Variants in TBC1D10A observed in about 807,000 individuals in gnomAD.
TBC1D10A encodes EBP50-PDX interactor of 64 kDa.
Under a neutral mutation model 52.9 loss-of-function variants are expected in TBC1D10A, and 24 were observed. The observed-to-expected ratio is 0.45, with a 90% CI of 0.33 to 0.64. The LOEUF (loss-of-function observed/expected upper bound fraction) is 0.64, where lower values mean the gene tolerates loss of function less well. Ranked by LOEUF, TBC1D10A falls within the 30% of genes least tolerant of loss-of-function variation. The pLI is 0.02. For synonymous variants in TBC1D10A, 278 were observed against 282.9 expected (o/e 0.98, Z 0.17); for missense variants, 602 against 687.9 (o/e 0.88, Z 1.40).
At chr22:30,313,395 T>C (rs1221995189) in intron 1 of TBC1D10A, among the ~76,000 whole-genome samples, 1 of 146,044 alleles carries the variant, frequency 6.8e-6, no homozygotes, top group African/African-American at 2.6e-5. Flanking sequence ...GTTGTTATTG[T>C]TGTTTTGAGA....
chr22:30,303,322 C>T (rs901481623), intron 2 of TBC1D10A, among the ~76,000 whole-genome samples: 3 of 152,104 alleles, frequency 2.0e-5, no homozygotes, highest in Non-Finnish European at 4.4e-5. Context: ...GACAGACAGA[C>T]AGACAGACAG....
At chr22:30,319,563 G>A (rs1930608981) in intron 1 of TBC1D10A, among the ~76,000 whole-genome samples, 1 of 152,220 alleles carries the variant, frequency 6.6e-6, no homozygotes, top group Admixed American at 6.5e-5. Flanking sequence ...AGCCTCTGAA[G>A]ACCTGGACAG....
In TBC1D10A at chr22:30,326,849, G is replaced by A. The variant is rs974387542; in HGVS notation, c.33C>T (p.Arg11=). 6 of 1,477,892 alleles carry A rather than the reference G, an allele frequency of 4.1e-6. No homozygotes were observed. Among genetic ancestry groups the A allele is most frequent in the Non-Finnish European group, 5.3e-6 (6 of 1,123,104 alleles). The allele number at this position is 1,477,892 out of a possible 1,614,324, so 91.5% of individuals were successfully genotyped here. ...ACAGGCTTTCCCCGGCCGCGGGCGCGCGCGGCCCATTCTCTCCGTTGCTCT... is the reference window on the plus strand; with the variant it reads ...ACAGGCTTTCCCCGGCCGCGGGCGCACGCGGCCCATTCTCTCCGTTGCTCT... The part of the protein sequence containing the change: MAKSNGENGP[R]APAAGESLSG... Residue 11 remains arginine (R), a synonymous_variant, in exon 1 of 9, where the codon CGC becomes CGT. Coordinates refer to ENST00000215790, the MANE Select transcript of TBC1D10A (RefSeq NM_031937.3).
intron 1 of TBC1D10A, among the ~76,000 whole-genome samples, chr22:30,313,386 T>TGTGTGG (rs953876330): frequency 7.4e-6 from 1 of 135,930 alleles, no homozygotes; most frequent in African/African-American, 2.7e-5. Flanking sequence ...TGTGTGTGTG[T>TGTGTGG]TGTTATTGTT....
rs1270476850 is a variant in TBC1D10A, at chr22:30,304,551, T to C, written c.289A>G (p.Met97Val). 4 of 1,614,098 alleles carry C rather than the reference T, an allele frequency of 2.5e-6. No individual in the cohort carries two copies. In the South Asian group the frequency reaches 3.3e-5, roughly 13 times the overall value. Residue 97 changes from methionine (M) to valine (V), a missense_variant, in exon 2 of 9, where the codon ATG becomes GTG. This residue lies in a region of TBC1D10A where 201 missense variants were observed against 204.4 expected (regional missense o/e 0.98). Transcript: ENST00000215790. ...CTCACCTTTTTGTGCTTCTTGGCCA[T>C]CCATTTGTCCCAGTTGTTGAGCATG... The part of the protein sequence containing the change: ...LDMLNNWDKW[M>V]AKKHKKIRLR...
intron 1 of TBC1D10A, among the ~76,000 whole-genome samples, chr22:30,325,070 A>C (rs1314622640): frequency 6.6e-6 from 1 of 152,194 alleles, no homozygotes. Context: ...ACTGCTCCTC[A>C]ATTCAAAACA....
chr22:30,326,146 G>A lies in TBC1D10A; in HGVS notation c.209+527C>T, dbSNP rs13053508. Among the ~76,000 whole-genome samples, 628 of 151,382 alleles carry A rather than the reference G, an allele frequency of 4.1e-3. 10 individuals are homozygous for A. Among genetic ancestry groups the A allele is most frequent in the South Asian group, 5.9e-3 (28 of 4,768 alleles). ...TCGAGGAAAGGGTCAGTCTGTCCTG[G>A]GAAGGGGTGGGGGCGGGGCAGTCAG... is the stretch of plus-strand genomic sequence containing the variant. On this transcript the variant is annotated intron_variant, in intron 1 of 8. Coordinates refer to ENST00000215790, the MANE Select transcript of TBC1D10A (RefSeq NM_031937.3).
chr22:30,319,267 A>G (rs1273178408), intron 1 of TBC1D10A, among the ~76,000 whole-genome samples: 1 of 152,208 alleles, frequency 6.6e-6, no homozygotes, highest in Non-Finnish European at 1.5e-5. Flanking sequence ...GCATGCCTCA[A>G]TGACAGCCTT....
intron 1 of TBC1D10A, among the ~76,000 whole-genome samples, chr22:30,306,719 A>G (rs1930316657): frequency 6.6e-6 from 1 of 152,220 alleles, no homozygotes; most frequent in African/African-American, 2.4e-5. Context: ...CAATATGGCC[A>G]TCTGAATGGC....
rs760105041 is a variant in TBC1D10A, at chr22:30,294,981, G to A, written c.599C>T (p.Ala200Val). The A allele has an allele frequency of 2.5e-6, 4 of 1,614,034 alleles. No individual in the cohort carries two copies. The highest frequency in any genetic ancestry group is 3.4e-6 in the Non-Finnish European group (4 of 1,180,026). Residue 200 changes from alanine (A) to valine (V), a missense_variant, in exon 5 of 9, where the codon GCG (alanine) becomes GTG (valine). Physicochemically the swap from Ala to Val is moderately conservative, Grantham distance 64 (BLOSUM62 0). Coordinates refer to ENST00000215790, the MANE Select transcript of TBC1D10A (RefSeq NM_031937.3). ...RPEEGYCQAQ[A>V]PIAAVLLMHM... is the part of the protein sequence containing the mutation. The stretch of plus-strand genomic sequence containing the variant: ...CATGAGCAAGACAGCGGCAATGGGC[G>A]CCTGGGCCTGGCAGTAGCCCTCCTC...
Position 30,292,597 on chromosome 22 carries a change from C to T in TBC1D10A, c.1305G>A (p.Gln435=), listed in dbSNP as rs137893581. The T allele has an allele frequency of 8.7e-6, 14 of 1,613,674 alleles. No homozygotes were observed. In the African/African-American group the frequency reaches 1.9e-4, roughly 22 times the overall value. ...GCCCTCTCCCCTTCATCTGTTTCCG[C>T]TGCTCCTTCTGGGCCTGCTTGGGTG... The part of the protein sequence containing the change: ...PKPPKQAQKE[Q]RKQMKGRGQL... Residue 435 remains glutamine (Q), a synonymous_variant, in exon 9 of 9, where the codon CAG becomes CAA. Transcript: ENST00000215790.
intron 1 of TBC1D10A, among the ~76,000 whole-genome samples, chr22:30,323,236 C>T (rs371765169): frequency 3.9e-5 from 6 of 152,258 alleles, no homozygotes; most frequent in East Asian, 3.9e-4. Flanking sequence ...AATGTCTCCC[C>T]GCAAATAAGT....
rs760445562 is a variant in TBC1D10A, at chr22:30,293,647, G to GT, written c.1050+3dup. 45 of 1,604,116 alleles carry GT rather than the reference G, an allele frequency of 2.8e-5. No homozygotes were observed. Among genetic ancestry groups the GT allele is most frequent in the Non-Finnish European group, 3.7e-5 (43 of 1,172,860 alleles). On this transcript the variant is annotated splice_donor_region_variant and intron_variant, in intron 8 of 8. Coordinates refer to ENST00000215790, the MANE Select transcript of TBC1D10A (RefSeq NM_031937.3). ...CCATGATAAGGGGCAGGCATGGGCT[G>GT]TACCTCCTGGACCAGAAAGGCCTCC...
intron 8 of TBC1D10A, chr22:30,293,336 C>T: frequency 1.6e-6 from 1 of 636,588 alleles, no homozygotes; most frequent in African/African-American, 1.8e-5. Flanking sequence ...GACAAGTATC[C>T]ATAAAGAAAG....
intron 1 of TBC1D10A, among the ~76,000 whole-genome samples, chr22:30,325,747 C>A (rs1447294661): frequency 6.6e-6 from 1 of 152,078 alleles, no homozygotes; most frequent in Non-Finnish European, 1.5e-5. Context: ...TGGGTGCTCT[C>A]GGGATAGGAC....
At chr22:30,293,440 G>A (rs992246752) in intron 8 of TBC1D10A, 24 of 786,500 alleles carry the variant, frequency 3.1e-5, no homozygotes, top group East Asian at 1.6e-4. Flanking sequence ...CAAGCGGCTC[G>A]GATCCAGAAG....
chr22:30,311,832 G>A (rs184564222), intron 1 of TBC1D10A, among the ~76,000 whole-genome samples: 57 of 152,104 alleles, frequency 3.7e-4, no homozygotes, highest in East Asian at 3.7e-3. Context: ...TTGCTCTGTC[G>A]CCCAAGATGG....
At chr22:30,308,332 A>ATGCCTGCCTGCC (rs1312315017) in intron 1 of TBC1D10A, among the ~76,000 whole-genome samples, 1 of 45,538 alleles carries the variant, frequency 2.2e-5, no homozygotes, top group African/African-American at 1.1e-4. Flanking sequence ...GCATGCCTGC[A>ATGCCTGCCTGCC]TGCCTGCCTG....
chr22:30,309,332 G>A (rs1930380966), intron 1 of TBC1D10A, among the ~76,000 whole-genome samples: 1 of 151,978 alleles, frequency 6.6e-6, no homozygotes, highest in African/African-American at 2.4e-5. Context: ...CACCTCCCGG[G>A]TTTAAGTGAT....
Sources: allele counts gnomAD v4.1 joint callset (sites outside exome capture counted in the v4.1 genomes callset), GRCh38; gene constraint gnomAD v4.1.1; regional missense constraint gnomAD v4.1.1; transcripts MANE v1.5; gene names NCBI Gene and HGNC (gene_info 2026-07-23, HGNC 2026-07-21).